The following RGP1 variants were observed in gnomAD, a reference collection of about 807,000 sequenced individuals.
The protein encoded by RGP1 is RGP1 partner of RAB6A GEF complex, also known as RAB6A-GEF complex partner protein 2.
A neutral mutation model predicts 44.5 loss-of-function variants in RGP1; 28 were observed. That is an observed-to-expected ratio of 0.63 (90% CI 0.47 to 0.86). The LOEUF (loss-of-function observed/expected upper bound fraction) is 0.86. RGP1 is among the 40% of genes least tolerant of loss of function. The pLI, the probability that RGP1 is intolerant of heterozygous loss-of-function variation, is 0.00. For synonymous variants in RGP1, 212 were observed against 196.7 expected (o/e 1.08, Z -0.65); for missense variants, 417 against 490.7 (o/e 0.85, Z 1.42).
chr9:35,753,403 CCTAA>C lies in RGP1; in HGVS notation c.*534_*537del. On this transcript the variant is annotated 3_prime_UTR_variant, in exon 9 of 9. Coordinates refer to ENST00000378078, the MANE Select transcript of RGP1 (RefSeq NM_001080496.3). This position sits in a 1 kb window ranked among gnomAD's most constrained non-coding sequence, Gnocchi z 4.2. ...CCCCTTTCAGTGGCCCCTTGGTCCT[CCTAA>C]CTAAGCTGTCACCTACCATATGTGG... is the stretch of plus-strand genomic sequence containing the variant. 1 of 1,081,626 alleles carries C rather than the reference CCTAA, an allele frequency of 9.2e-7. No homozygotes were observed. Among genetic ancestry groups the C allele is most frequent in the Non-Finnish European group, 1.3e-6 (1 of 763,862 alleles). The allele number at this position is 1,081,626 out of a possible 1,614,324, so 67.0% of individuals were successfully genotyped here. A position where few individuals can be genotyped will look rare whatever the true frequency, so the allele number is the denominator to read the frequency against.
At position 35,750,987 on chromosome 9, in the gene RGP1, C is replaced by T. The variant is rs1192656168; in HGVS notation, c.485C>T (p.Thr162Ile). Reference sequence around the variant, plus strand: ...GTCCCTCTGAGGGTTCTTGTGCTGACTGGTAAGCAAGGGCTCCTGGAGGGA... The same window carrying T: ...GTCCCTCTGAGGGTTCTTGTGCTGATTGGTAAGCAAGGGCTCCTGGAGGGA... ...LRVPLRVLVL[T>I]GLQDVRFPQD... Residue 162 changes from threonine (T) to isoleucine (I), a missense_variant and splice_region_variant, in exon 5 of 9, where the codon ACT (threonine) becomes ATT (isoleucine). Transcript: ENST00000378078. 12 of 1,613,426 alleles carry T rather than the reference C, an allele frequency of 7.4e-6. No individual in the cohort carries two copies. Among genetic ancestry groups the T allele is most frequent in the African/African-American group, 1.3e-5 (1 of 74,908 alleles).
chr9:35,781,414 TG>T, the RGP1 span, among the ~76,000 whole-genome samples: 3 of 7,188 alleles, frequency 4.2e-4, no homozygotes, highest in East Asian at 7.7e-3. Flanking sequence ...GGGGAGGGGG[TG>T]GGGGGGCAGG....
At chr9:35,788,101 G>A in the RGP1 span, among the ~76,000 whole-genome samples, 4 of 152,212 alleles carry the variant, frequency 2.6e-5, no homozygotes, top group African/African-American at 4.8e-5. Flanking sequence ...AAATTAGCAT[G>A]AGCCCGAATC....
chr9:35,753,229 T>G lies in RGP1; in HGVS notation c.*355T>G, dbSNP rs1477259431. The G allele has an allele frequency of 6.2e-7, 1 of 1,614,096 alleles. No homozygotes were observed. The highest frequency in any genetic ancestry group is 8.5e-7 in the Non-Finnish European group (1 of 1,180,046). On this transcript the variant is annotated 3_prime_UTR_variant, in exon 9 of 9. Coordinates refer to ENST00000378078, the MANE Select transcript of RGP1 (RefSeq NM_001080496.3). This position sits in a 1 kb window ranked among gnomAD's most constrained non-coding sequence, Gnocchi z 4.2. Reference sequence around the variant, plus strand: ...GCACCAAGGAGAACTGGCAGGTTCCTGCCTCCTGACGTACCTCACACCCAG... The same window carrying G: ...GCACCAAGGAGAACTGGCAGGTTCCGGCCTCCTGACGTACCTCACACCCAG...
In RGP1 at chr9:35,749,350, C is replaced by A. The variant is rs766799706; in HGVS notation, c.-78C>A. On this transcript the variant is annotated 5_prime_UTR_variant, in exon 1 of 9. Coordinates refer to ENST00000378078, the MANE Select transcript of RGP1 (RefSeq NM_001080496.3). The surrounding 1 kb of genome is among the most constrained non-coding windows in gnomAD (Gnocchi z 4.4). The stretch of plus-strand genomic sequence containing the variant: ...GCCGCCGCCGCGTACCTAGCCAGGT[C>A]CCTGAGGGGCGGGCAGATGAGGCCT... 3 of 538,138 alleles carry A rather than the reference C, an allele frequency of 5.6e-6. No homozygotes were observed. Among genetic ancestry groups the A allele is most frequent in the Non-Finnish European group, 1.1e-5 (3 of 262,884 alleles). The allele number at this position is 538,138 out of a possible 1,614,324, so 33.3% of individuals were successfully genotyped here. A position where few individuals can be genotyped will look rare whatever the true frequency, so the allele number is the denominator to read the frequency against.
the RGP1 span, among the ~76,000 whole-genome samples, chr9:35,789,645 G>A: frequency 6.7e-6 from 1 of 149,536 alleles, no homozygotes. Context: ...GACATATGAT[G>A]CACTTGTACT....
At chr9:35,778,370 T>G in the RGP1 span, among the ~76,000 whole-genome samples, 1 of 152,204 alleles carries the variant, frequency 6.6e-6, no homozygotes, top group African/African-American at 2.4e-5. Flanking sequence ...TTAGATACCT[T>G]GTTCCCCTTC....
At position 35,755,268 on chromosome 9, in the gene RGP1, C is replaced by T. The variant is rs1442338271; in HGVS notation, c.*2394C>T. ...GATTACTGAGATAATGCGTGCAGTG[C>T]TCTTATCACCATCTCTGGTGCGTAA... is the stretch of plus-strand genomic sequence containing the variant. On this transcript the variant is annotated 3_prime_UTR_variant, in exon 9 of 9. Transcript: ENST00000378078. 3 of 152,234 alleles carry T rather than the reference C, an allele frequency of 2.0e-5. No individual in the cohort carries two copies. The highest frequency in any genetic ancestry group is 4.8e-5 in the African/African-American group (2 of 41,456). 9.4% of individuals were successfully genotyped at this position (152,234 alleles called of 1,614,324 possible).
chr9:35,750,815 G>A (rs932056411), intron 4 of RGP1, 25 bp from the exon 5 acceptor site: 4 of 1,613,786 alleles, frequency 2.5e-6, no homozygotes, highest in East Asian at 2.2e-5. Context: ...GCCTCTGGCT[G>A]TCCTGACAAC....
chr9:35,752,293 A>C (rs1018490350), intron 8 of RGP1, 148 bp downstream of exon 8: 2 of 818,348 alleles, frequency 2.4e-6, no homozygotes, highest in Non-Finnish European at 3.7e-6. Flanking sequence ...CAGACCTTCA[A>C]CCTCTTCCTG....
Position 35,752,822 on chromosome 9 carries a change from C to T in RGP1, c.1124C>T (p.Thr375Ile), listed in dbSNP as rs745854562. The change falls in exon 9 of 9, where the codon ACC becomes ATC. Residue 375 changes from threonine to isoleucine, a missense_variant. Physicochemically the swap from Thr to Ile is moderately conservative, Grantham distance 89 (BLOSUM62 -1). Coordinates refer to ENST00000378078, the MANE Select transcript of RGP1 (RefSeq NM_001080496.3). ...ATCAAGGTGCTGCCTACTAGCCCCACCCTGGCCTCATATGCTGCCCCAGGC... is the reference window on the plus strand; with the variant it reads ...ATCAAGGTGCTGCCTACTAGCCCCATCCTGGCCTCATATGCTGCCCCAGGC... ...LPIKVLPTSP[T>I]LASYAAPGPS... The T allele has an allele frequency of 1.9e-6, 3 of 1,613,814 alleles. No homozygotes were observed. The highest frequency in any genetic ancestry group is 1.1e-5 in the South Asian group (1 of 91,064).
chr9:35,785,819 G>A, the RGP1 span, among the ~76,000 whole-genome samples: 8 of 152,004 alleles, frequency 5.3e-5, no homozygotes, highest in East Asian at 7.7e-4. Flanking sequence ...ACTGTTTTTC[G>A]TCTTGTATAT....
At chr9:35,760,225 A>T (rs1588038729), downstream of RGP1, among the ~76,000 whole-genome samples, 1 of 151,838 alleles carries the variant, frequency 6.6e-6, no homozygotes, top group Middle Eastern at 3.4e-3. Context: ...ACTGTGTAGC[A>T]CTGATTTCCA....
At chr9:35,778,590 C>G in the RGP1 span, among the ~76,000 whole-genome samples, 229 of 152,278 alleles carry the variant, frequency 1.5e-3, no homozygotes, top group African/African-American at 5.4e-3. Flanking sequence ...ACATGTCAAA[C>G]TGGTGTCTGA....
chr9:35,782,701 C>T, the RGP1 span, among the ~76,000 whole-genome samples: 1 of 152,096 alleles, frequency 6.6e-6, no homozygotes, highest in South Asian at 2.1e-4. Flanking sequence ...CCTCCTTGGC[C>T]TCCCAAAGTG....
In RGP1 at chr9:35,752,866, AC is replaced by A; in HGVS notation, c.1170del (p.Ile391SerfsTer9). The A allele has an allele frequency of 6.2e-7, 1 of 1,613,576 alleles. No homozygotes were observed. Among genetic ancestry groups the A allele is most frequent in the African/African-American group, 1.3e-5 (1 of 75,028 alleles). The stretch of plus-strand genomic sequence containing the variant: ...CCCAGGCCCCAGCACCAGCACCATA[AC>A]CATCTGAAACTGGCCCACCCTGGTG... ...AAPGPSTSTI[T>X]I is the part of the protein sequence containing the mutation. On this transcript the variant is annotated frameshift_variant, in exon 9 of 9. Coordinates refer to ENST00000378078, the MANE Select transcript of RGP1 (RefSeq NM_001080496.3). LOFTEE classifies it high-confidence loss of function.
chr9:35,779,384 C>T, the RGP1 span, among the ~76,000 whole-genome samples: 1 of 152,164 alleles, frequency 6.6e-6, no homozygotes, highest in African/African-American at 2.4e-5. Context: ...ATTTCTCATT[C>T]CTTGGTTAAA....
chr9:35,752,917 C>T lies in RGP1; in HGVS notation c.*43C>T. 1 of 1,591,920 alleles carries T rather than the reference C, an allele frequency of 6.3e-7. No individual in the cohort carries two copies. The highest frequency in any genetic ancestry group is 8.6e-7 in the Non-Finnish European group (1 of 1,164,986). The stretch of plus-strand genomic sequence containing the variant: ...GCTAGTTCCTTCCGGATACTGAGAA[C>T]TCAGCACCTGGACTCTAATGGGACC... On this transcript the variant is annotated 3_prime_UTR_variant, in exon 9 of 9. Transcript: ENST00000378078.
Position 35,749,924 on chromosome 9 carries a change from T to C in RGP1, c.116+53T>C. ...GCCCTTCTGGGAAGAAGCCAGATTA[T>C]CTCTGGGGCTGAGGCAGAGCTCAGG... On this transcript the variant is annotated intron_variant, in intron 2 of 8. Coordinates refer to ENST00000378078, the MANE Select transcript of RGP1 (RefSeq NM_001080496.3). The surrounding 1 kb of genome is among the most constrained non-coding windows in gnomAD (Gnocchi z 4.4). 7.4e-7 allele frequency: 1 copy of C among 1,350,332 alleles called. No individual in the cohort carries two copies. The highest frequency in any genetic ancestry group is 1.1e-6 in the Non-Finnish European group (1 of 949,930). The allele number at this position is 1,350,332 out of a possible 1,614,324, so 83.6% of individuals were successfully genotyped here. A position where few individuals can be genotyped will look rare whatever the true frequency, so the allele number is the denominator to read the frequency against.
Sources: gnomAD v4.1 joint callset for allele counts (sites outside exome capture counted in the v4.1 genomes callset) on GRCh38, gnomAD v4.1.1 for gene constraint, Gnocchi (gnomAD v3.1) non-coding constraint, MANE v1.5 for transcripts, NCBI Gene and HGNC (gene_info 2026-07-23, HGNC 2026-07-21) for gene names.